Variants in SLC35D4 observed in about 807,000 individuals in gnomAD.
SLC35D4 encodes UDP-N-acetylglucosamine transporter SLC35D4.
At chr18:23,421,433 A>AGC in the SLC35D4 span, 2 of 1,613,882 alleles carry the variant, frequency 1.2e-6, no homozygotes, top group African/African-American at 2.7e-5. Context: ...TCCACCAATG[A>AGC]GCGTCTGCCA....
the SLC35D4 span, among the ~76,000 whole-genome samples, chr18:23,250,068 A>G: frequency 6.6e-6 from 1 of 152,186 alleles, no homozygotes; most frequent in African/African-American, 2.4e-5. Flanking sequence ...GAAGTGTTAT[A>G]TCTACAAATA....
At chr18:23,307,089 G>A in the SLC35D4 span, among the ~76,000 whole-genome samples, 15 of 152,330 alleles carry the variant, frequency 9.8e-5, no homozygotes, top group Non-Finnish European at 1.9e-4. Flanking sequence ...GTCCACCTCC[G>A]TTGGGTTACA....
the SLC35D4 span, among the ~76,000 whole-genome samples, chr18:23,374,107 A>C: frequency 6.6e-6 from 1 of 152,334 alleles, no homozygotes; most frequent in East Asian, 1.9e-4. Context: ...CAGATCCCCA[A>C]AAATATACAA....
chr18:23,328,974 A>G, the SLC35D4 span, among the ~76,000 whole-genome samples: 2 of 152,222 alleles, frequency 1.3e-5, no homozygotes, highest in South Asian at 2.1e-4. Context: ...CCTATTTAAT[A>G]AATGGTGCTG....
chr18:23,276,233 A>C, the SLC35D4 span, among the ~76,000 whole-genome samples: 5 of 151,416 alleles, frequency 3.3e-5, no homozygotes, highest in Admixed American at 1.3e-4. Flanking sequence ...GACTACAGGC[A>C]CCCACCAAAA....
At chr18:23,428,935 G>A in the SLC35D4 span, among the ~76,000 whole-genome samples, 2 of 152,156 alleles carry the variant, frequency 1.3e-5, no homozygotes, top group African/African-American at 4.8e-5. Context: ...GTAAAAACAT[G>A]CAGTATTTGG....
the SLC35D4 span, among the ~76,000 whole-genome samples, chr18:23,374,760 C>T: frequency 2.6e-5 from 4 of 152,060 alleles, no homozygotes; most frequent in East Asian, 7.7e-4. Context: ...GCTGGGGTTA[C>T]AGGCCTGAGC....
chr18:23,251,075 C>T, the SLC35D4 span, among the ~76,000 whole-genome samples: 2 of 152,232 alleles, frequency 1.3e-5, no homozygotes, highest in African/African-American at 2.4e-5. Context: ...CTTTGATGGG[C>T]TTTGCGGGCA....
At chr18:23,341,420 T>G in the SLC35D4 span, among the ~76,000 whole-genome samples, 2 of 152,206 alleles carry the variant, frequency 1.3e-5, no homozygotes, top group Non-Finnish European at 2.9e-5. Context: ...TGTGACATCT[T>G]CGAAAACAGC....
chr18:23,422,142 T>C, the SLC35D4 span, among the ~76,000 whole-genome samples: 1 of 152,184 alleles, frequency 6.6e-6, no homozygotes, highest in Non-Finnish European at 1.5e-5. Flanking sequence ...TATTATTGTT[T>C]TTATTCATAG....
the SLC35D4 span, among the ~76,000 whole-genome samples, chr18:23,328,531 A>G: frequency 6.6e-6 from 1 of 152,228 alleles, no homozygotes; most frequent in Non-Finnish European, 1.5e-5. Context: ...AGAACTACAT[A>G]CCACTGCTCA....
the SLC35D4 span, chr18:23,437,680 G>T: frequency 8.0e-7 from 1 of 1,243,716 alleles, no homozygotes; most frequent in Non-Finnish European, 1.1e-6. Context: ...CCACCAGGAA[G>T]AATGAGGTAA....
the SLC35D4 span, among the ~76,000 whole-genome samples, chr18:23,242,436 G>A: frequency 2.7e-4 from 41 of 152,268 alleles, no homozygotes; most frequent in Non-Finnish European, 4.4e-4. Context: ...AGGGGAGGGC[G>A]GATGCTTCCA....
At chr18:23,243,601 G>A in the SLC35D4 span, among the ~76,000 whole-genome samples, 2 of 150,960 alleles carry the variant, frequency 1.3e-5, no homozygotes, top group African/African-American at 2.4e-5. Context: ...CACAGGCCTC[G>A]GTGGCTCATG....
At chr18:23,335,029 CAAG>C in the SLC35D4 span, among the ~76,000 whole-genome samples, 4 of 151,466 alleles carry the variant, frequency 2.6e-5, no homozygotes, top group East Asian at 1.9e-4. Flanking sequence ...AGCAAGCAAG[CAAG>C]AAGGAGAAAA....
chr18:23,265,723 C>T, the SLC35D4 span, among the ~76,000 whole-genome samples: 1 of 152,124 alleles, frequency 6.6e-6, no homozygotes, highest in African/African-American at 2.4e-5. Context: ...GTCATCTGAA[C>T]AGAAGCTGAT....
the SLC35D4 span, among the ~76,000 whole-genome samples, chr18:23,365,072 C>T: frequency 6.6e-6 from 1 of 152,218 alleles, no homozygotes; most frequent in African/African-American, 2.4e-5. Flanking sequence ...AACTCCTTCA[C>T]TTAATTATTT....
chr18:23,304,278 A>G, the SLC35D4 span, among the ~76,000 whole-genome samples: 9 of 108,804 alleles, frequency 8.3e-5, no homozygotes, highest in African/African-American at 3.9e-4. Context: ...CTCCGTATCA[A>G]AAAAAAAAAA....
the SLC35D4 span, among the ~76,000 whole-genome samples, chr18:23,312,271 C>G: frequency 6.6e-6 from 1 of 152,132 alleles, no homozygotes; most frequent in Admixed American, 6.6e-5. Flanking sequence ...ATCCTGTCTG[C>G]CGTGAGATAG....
Sources: allele counts gnomAD v4.1 joint callset (sites outside exome capture counted in the v4.1 genomes callset), GRCh38; gene constraint gnomAD v4.1.1; transcripts MANE v1.5; gene names NCBI Gene and HGNC (gene_info 2026-07-23, HGNC 2026-07-21).